Variants in LTBP1 observed in about 807,000 individuals in gnomAD.
LTBP1 encodes latent transforming growth factor beta binding protein 1.
A neutral mutation model predicts 207.6 loss-of-function variants in LTBP1; 129 were observed. The observed-to-expected ratio is 0.62, with a 90% CI of 0.54 to 0.72. The LOEUF (loss-of-function observed/expected upper bound fraction) is 0.72, where lower values mean the gene tolerates loss of function less well. LTBP1 is among the 30% of genes least tolerant of loss of function. The probability of loss-of-function intolerance (pLI) is 0.00; values close to 1 mark genes in which losing one functional copy is unlikely to be tolerated. For missense variants in LTBP1, 2,281 were observed against 2,217.2 expected, an observed-to-expected ratio of 1.03 and a Z score of -0.58; for synonymous variants, 963 against 833.7, an observed-to-expected ratio of 1.16 and a Z score of -2.67.
chr2:33,068,259 T>C lies in LTBP1; in HGVS notation c.864-42323T>C, dbSNP rs779308509. 8.4e-4 allele frequency among the ~76,000 whole-genome samples: 123 copies of C among 146,678 alleles called. 2 individuals are homozygous for C. The highest frequency in any genetic ancestry group is 1.5e-3 in the South Asian group (7 of 4,638). On this transcript the variant is annotated intron_variant, in intron 3 of 33. Coordinates refer to ENST00000404816, the MANE Select transcript of LTBP1 (RefSeq NM_206943.4). ...AGTCATGTAGTAGTTGCATGTTTAGTTTTTTTTTTTAAACAATAAACATTA... is the reference window on the plus strand; with the variant it reads ...AGTCATGTAGTAGTTGCATGTTTAGCTTTTTTTTTTAAACAATAAACATTA...
At chr2:33,112,397 C>T (rs958230467) in intron 4 of LTBP1, among the ~76,000 whole-genome samples, 4 of 152,174 alleles carry the variant, frequency 2.6e-5, no homozygotes, top group African/African-American at 7.2e-5. Flanking sequence ...AGTTTCTTAT[C>T]TGTTCTGTCC....
chr2:33,274,929 C>T (rs767744226), intron 16 of LTBP1, 36 bp from the exon 17 acceptor site: 1 of 1,601,658 alleles, frequency 6.2e-7, no homozygotes, highest in East Asian at 2.2e-5. Context: ...TCTTGCTACA[C>T]AGAACTAATA....
intron 3 of LTBP1, among the ~76,000 whole-genome samples, chr2:33,042,597 C>T (rs2076243364): frequency 6.6e-6 from 1 of 152,074 alleles, no homozygotes; most frequent in Admixed American, 6.5e-5. Context: ...ACAACAACAG[C>T]AAAAAACACT....
intron 19 of LTBP1, among the ~76,000 whole-genome samples, chr2:33,285,137 G>A (rs1048024101): frequency 1.3e-5 from 2 of 150,608 alleles, no homozygotes; most frequent in African/African-American, 2.5e-5. Context: ...CGCCTCCAGG[G>A]TTCAAGTGAT....
rs559036195 is a variant in LTBP1, at chr2:33,009,242, G to A, written c.566-11667G>A. Reference sequence around the variant, plus strand: ...GATGTCTTTAAAGTAGAGCTAACAGGATTTGGAGCTGGATTGGATGTGTGT... The same window carrying A: ...GATGTCTTTAAAGTAGAGCTAACAGAATTTGGAGCTGGATTGGATGTGTGT... On this transcript the variant is annotated intron_variant, in intron 2 of 33. Transcript: ENST00000404816. Among the ~76,000 whole-genome samples, 27 of 152,252 alleles carry A rather than the reference G, an allele frequency of 1.8e-4. No homozygotes were observed. In the East Asian group the frequency reaches 5.0e-3, roughly 28 times the overall value.
chr2:33,164,700 T>G (rs1019644528), intron 5 of LTBP1, among the ~76,000 whole-genome samples: 1 of 152,198 alleles, frequency 6.6e-6, no homozygotes, highest in African/African-American at 2.4e-5. Flanking sequence ...AAGTTTAACT[T>G]TGAGTCTTGT....
intron 12 of LTBP1, among the ~76,000 whole-genome samples, chr2:33,258,347 G>C (rs1050928458): frequency 6.6e-6 from 1 of 152,206 alleles, no homozygotes; most frequent in African/African-American, 2.4e-5. Flanking sequence ...AGTTGATTCT[G>C]AGGTCAGAAT....
chr2:33,256,587 A>G (rs1450149475), intron 11 of LTBP1, among the ~76,000 whole-genome samples: 2 of 151,618 alleles, frequency 1.3e-5, no homozygotes, highest in Non-Finnish European at 2.9e-5. Flanking sequence ...ATTTTTGCTG[A>G]TAAGACATAT....
intron 5 of LTBP1, among the ~76,000 whole-genome samples, chr2:33,182,290 C>G (rs2086718066): frequency 6.6e-6 from 1 of 151,960 alleles, no homozygotes; most frequent in Non-Finnish European, 1.5e-5. Flanking sequence ...AAACTAAGTT[C>G]ATGATAGAGT....
intron 2 of LTBP1, among the ~76,000 whole-genome samples, chr2:32,983,586 T>C (rs181457009): frequency 2.3e-3 from 349 of 152,284 alleles, no homozygotes; most frequent in Non-Finnish European, 3.8e-3. Flanking sequence ...AATAATCCCC[T>C]TGTGTCGTAG....
chr2:33,173,012 G>C (rs888950375), intron 5 of LTBP1, among the ~76,000 whole-genome samples: 3 of 152,072 alleles, frequency 2.0e-5, no homozygotes, highest in Non-Finnish European at 4.4e-5. Context: ...GCAGTGTGTA[G>C]AGGGAAATTT....
intron 23 of LTBP1, 89 bp downstream of exon 23, chr2:33,309,645 G>A: frequency 5.6e-6 from 8 of 1,430,560 alleles, no homozygotes; most frequent in Non-Finnish European, 6.7e-6. Context: ...GTTTTGCCAT[G>A]TGATTTATAT....
At chr2:33,188,953 C>G in intron 7 of LTBP1, 102 bp downstream of exon 7, 3 of 1,316,396 alleles carry the variant, frequency 2.3e-6, no homozygotes, top group Middle Eastern at 2.6e-4. Context: ...AAAAAAAAGG[C>G]TTTGACAAAC....
chr2:32,982,815 G>C (rs557676116), intron 2 of LTBP1, among the ~76,000 whole-genome samples: 1 of 152,356 alleles, frequency 6.6e-6, no homozygotes, highest in South Asian at 2.1e-4. Flanking sequence ...CCTCCGCCTA[G>C]ATTTCAAAGG....
At chr2:33,215,234 T>C (rs1348390212) in intron 7 of LTBP1, among the ~76,000 whole-genome samples, 1 of 152,160 alleles carries the variant, frequency 6.6e-6, no homozygotes, top group Non-Finnish European at 1.5e-5. Context: ...TTTTCTTTCA[T>C]GTTTCATGAC....
chr2:32,968,912 T>G (rs1680397609), intron 2 of LTBP1, among the ~76,000 whole-genome samples: 1 of 125,448 alleles, frequency 8.0e-6, no homozygotes, highest in African/African-American at 2.9e-5. Flanking sequence ...AGTGTGTGTG[T>G]GTGTATTTTT....
chr2:33,170,670 A>G (rs1473264416), intron 5 of LTBP1, among the ~76,000 whole-genome samples: 1 of 152,204 alleles, frequency 6.6e-6, no homozygotes, highest in East Asian at 1.9e-4. Context: ...TTCTCCCAGC[A>G]TGCAGCTGGA....
In LTBP1 at chr2:33,252,719, G is replaced by A. The variant is rs2092718289; in HGVS notation, c.2042G>A (p.Arg681Gln). 3.7e-6 allele frequency: 6 copies of A among 1,613,352 alleles called. No homozygotes were observed. Among genetic ancestry groups the A allele is most frequent in the Non-Finnish European group, 5.1e-6 (6 of 1,179,578 alleles). The change falls in exon 11 of 34, where the codon CGA becomes CAA. Residue 681 changes from arginine (R) to glutamine (Q), a missense_variant. Around this residue, in one of 3 missense-constraint regions of LTBP1, gnomAD observed 1,671 missense variants for 1,634.8 expected, o/e 1.02. Coordinates refer to ENST00000404816, the MANE Select transcript of LTBP1 (RefSeq NM_206943.4). ...TCGGAAGAGAAAGGGCCCTGTTACCGACTTGTCAGTTCTGGAAGACAGTGT... is the reference window on the plus strand; with the variant it reads ...TCGGAAGAGAAAGGGCCCTGTTACCAACTTGTCAGTTCTGGAAGACAGTGT... ...VISEEKGPCY[R>Q]LVSSGRQCMH...
In LTBP1 at chr2:33,342,818, G is replaced by A. The variant is rs748322940; in HGVS notation, c.3731-20G>A. ...AGCCTGTGTTTGTTTTGTGTCTGAT[G>A]TTCCATGTCTTTTTTGCAGATATTG... On this transcript the variant is annotated intron_variant, in intron 24 of 33. Transcript: ENST00000404816. The A allele has an allele frequency of 9.3e-6, 15 of 1,611,648 alleles. No homozygotes were observed. In the East Asian group the frequency reaches 1.8e-4, roughly 19 times the overall value.
Sources: gnomAD v4.1 joint callset for allele counts (sites outside exome capture counted in the v4.1 genomes callset) on GRCh38, gnomAD v4.1.1 for gene constraint, gnomAD v4.1.1 regional missense constraint, MANE v1.5 for transcripts, NCBI Gene and HGNC (gene_info 2026-07-23, HGNC 2026-07-21) for gene names.